Variants in SELENOI observed in about 807,000 individuals in gnomAD.
The protein encoded by SELENOI is selenoprotein I.
Under a neutral mutation model 50.7 loss-of-function variants are expected in SELENOI, and 24 were observed. That is an observed-to-expected ratio of 0.47 (90% CI 0.34 to 0.67). The LOEUF (loss-of-function observed/expected upper bound fraction) is 0.67. Among genes scored for constraint, SELENOI ranks in the 30% least tolerant of loss-of-function variants. SELENOI has a pLI of 0.01. For synonymous variants in SELENOI, 155 were observed against 170.2 expected (o/e 0.91, Z 0.70); for missense variants, 352 against 461.4 (o/e 0.76, Z 2.17).
At chr2:26,373,794 T>C (rs951526161) in intron 5 of SELENOI, among the ~76,000 whole-genome samples, 165 bp downstream of exon 5, 1 of 152,186 alleles carries the variant, frequency 6.6e-6, no homozygotes, top group African/African-American at 2.4e-5. Context: ...AATAGTATAG[T>C]GAATAGTAAA....
chr2:26,357,722 C>T (rs940452622), intron 1 of SELENOI, among the ~76,000 whole-genome samples: 1 of 152,126 alleles, frequency 6.6e-6, no homozygotes, highest in Non-Finnish European at 1.5e-5. Context: ...CGGATAATTC[C>T]CTTTGTAGTA....
At chr2:26,385,806 T>A (rs991444998) in intron 8 of SELENOI, among the ~76,000 whole-genome samples, 1 of 152,220 alleles carries the variant, frequency 6.6e-6, no homozygotes, top group Non-Finnish European at 1.5e-5. Flanking sequence ...CAAGTCTTGC[T>A]GATTTTATAG....
At chr2:26,377,183 G>A (rs1677585776) in intron 6 of SELENOI, among the ~76,000 whole-genome samples, 2 of 152,194 alleles carry the variant, frequency 1.3e-5, no homozygotes, top group African/African-American at 4.8e-5. Flanking sequence ...TGTCCTAAAA[G>A]TAATTTTCTA....
rs769823244 is a variant in SELENOI, at chr2:26,373,613, A to G, written c.557A>G (p.Tyr186Cys). 1.2e-5 allele frequency: 20 copies of G among 1,613,940 alleles called. No homozygotes were observed. The highest frequency in any genetic ancestry group is 1.6e-5 in the Non-Finnish European group (19 of 1,179,876). Residue 186 changes from tyrosine to cysteine, a missense_variant, in exon 5 of 10, where the codon TAT becomes TGT. By Grantham distance (194) the Tyr-to-Cys change is radical. Coordinates refer to ENST00000260585, the MANE Select transcript of SELENOI (RefSeq NM_033505.4). ...GGGATTCTTTTCCTGCCATGGGGATATGACATTAGCCAGGTGGTAAGTATG... is the reference window on the plus strand; with the variant it reads ...GGGATTCTTTTCCTGCCATGGGGATGTGACATTAGCCAGGTGGTAAGTATG... The part of the protein sequence containing the change: ...NTGILFLPWG[Y>C]DISQVTISFV...
intron 1 of SELENOI, chr2:26,346,929 C>G: frequency 6.6e-6 from 1 of 152,224 alleles, no homozygotes; most frequent in African/African-American, 2.4e-5. Flanking sequence ...ATTTTAACCC[C>G]GCTCAGCCTC....
Position 26,367,242 on chromosome 2 carries a change from A to G in SELENOI, c.310+22A>G, listed in dbSNP as rs556492033. ...CTAGGTAAGGAATTGGTAAATACTTACTATAGTCAGTGACTGGTGAATCAG... is the reference window on the plus strand; with the variant it reads ...CTAGGTAAGGAATTGGTAAATACTTGCTATAGTCAGTGACTGGTGAATCAG... On this transcript the variant is annotated intron_variant, in intron 4 of 9. Coordinates refer to ENST00000260585, the MANE Select transcript of SELENOI (RefSeq NM_033505.4). 14 of 1,580,008 alleles carry G rather than the reference A, an allele frequency of 8.9e-6. 1 individual carries two copies. Among genetic ancestry groups the G allele is most frequent in the African/African-American group, 4.0e-5 (3 of 74,524 alleles).
At chr2:26,383,555 CTTTTGTTACGGT>C (rs1476018988) in intron 7 of SELENOI, among the ~76,000 whole-genome samples, 1 of 152,094 alleles carries the variant, frequency 6.6e-6, no homozygotes, top group East Asian at 1.9e-4. Flanking sequence ...ACTACTAGTT[CTTTTGTTACGGT>C]TTTGGACTCA....
rs1027821208 is a variant in SELENOI, at chr2:26,390,298, T to G, written c.*1195T>G. ...TTCATGATGTGGATATTTTCTTCTATTTCTTTGTCTTCATTTAATTTGGTG... is the reference window on the plus strand; with the variant it reads ...TTCATGATGTGGATATTTTCTTCTAGTTCTTTGTCTTCATTTAATTTGGTG... On this transcript the variant is annotated 3_prime_UTR_variant, in exon 10 of 10. Transcript: ENST00000260585. 1 of 152,464 alleles carries G rather than the reference T, an allele frequency of 6.6e-6. No homozygotes were observed. Among genetic ancestry groups the G allele is most frequent in the Non-Finnish European group, 1.5e-5 (1 of 67,998 alleles). The allele number at this position is 152,464 out of a possible 1,614,324, so 9.4% of individuals were successfully genotyped here. A position where few individuals can be genotyped will look rare whatever the true frequency, so the allele number is the denominator to read the frequency against.
chr2:26,346,427 C>CGGGTCCT (rs1676761321), intron 1 of SELENOI, 138 bp downstream of exon 1: 1 of 1,098,012 alleles, frequency 9.1e-7, no homozygotes, highest in East Asian at 2.9e-5. Context: ...GGAGGTCCTG[C>CGGGTCCT]GGGTCCTGGG....
intron 4 of SELENOI, among the ~76,000 whole-genome samples, chr2:26,368,945 C>G (rs942940764): frequency 6.6e-6 from 1 of 152,150 alleles, no homozygotes; most frequent in Non-Finnish European, 1.5e-5. Flanking sequence ...TTCATATAGT[C>G]TTCAACAATA....
chr2:26,358,512 A>C (rs1424789118), intron 1 of SELENOI, among the ~76,000 whole-genome samples: 1 of 152,230 alleles, frequency 6.6e-6, no homozygotes, highest in Non-Finnish European at 1.5e-5. Flanking sequence ...AGCATGAGCC[A>C]CAATGCCCGG....
chr2:26,360,394 C>T (rs1243733504), intron 1 of SELENOI, among the ~76,000 whole-genome samples: 1 of 152,204 alleles, frequency 6.6e-6, no homozygotes, highest in Non-Finnish European at 1.5e-5. Flanking sequence ...GTAAACTGGC[C>T]TCCTTGTGTC....
intron 7 of SELENOI, among the ~76,000 whole-genome samples, chr2:26,384,546 C>G (rs1384758653): frequency 6.6e-6 from 1 of 152,194 alleles, no homozygotes; most frequent in Admixed American, 6.5e-5. Context: ...TCTAAGTTCT[C>G]TATCACTTTG....
chr2:26,361,830 G>T (rs190703492), intron 1 of SELENOI, among the ~76,000 whole-genome samples: 79 of 152,160 alleles, frequency 5.2e-4, no homozygotes, highest in African/African-American at 1.7e-3. Context: ...ATTTGTTTTT[G>T]TATTTTTAGT....
intron 6 of SELENOI, among the ~76,000 whole-genome samples, chr2:26,375,350 G>C (rs1677545185): frequency 6.6e-6 from 1 of 152,116 alleles, no homozygotes. Flanking sequence ...TTCAGCATCA[G>C]CTATTTCTAA....
chr2:26,365,069 C>A, intron 3 of SELENOI, 129 bp downstream of exon 3: 1 of 593,992 alleles, frequency 1.7e-6, no homozygotes, highest in Non-Finnish European at 2.8e-6. Flanking sequence ...CATCACCTTG[C>A]CTATTGAATT....
In SELENOI at chr2:26,385,144, GA is replaced by G. The variant is rs773435770; in HGVS notation, c.912+6del. The G allele has an allele frequency of 2.7e-6, 4 of 1,478,510 alleles. No homozygotes were observed. The South Asian group carries it at 5.8e-5, about 21-fold the overall frequency. 91.6% of individuals were successfully genotyped at this position (1,478,510 alleles called of 1,614,324 possible). On this transcript the variant is annotated splice_donor_region_variant and intron_variant, in intron 8 of 9. Transcript: ENST00000260585. ...ACAGCTTTTGCCAACAGTACAGTAA[GA>G]TTTTTTTCTTTTAAAAATCATAATA...
intron 4 of SELENOI, among the ~76,000 whole-genome samples, chr2:26,370,730 C>T (rs1220166364): frequency 3.0e-3 from 311 of 104,508 alleles, no homozygotes; most frequent in East Asian, 7.6e-3. Flanking sequence ...GGCGGCTGGC[C>T]GGGCGGGGGG....
Position 26,393,476 on chromosome 2 carries a change from T to A in SELENOI, c.*4373T>A, listed in dbSNP as rs1678015088. 1 of 152,482 alleles carries A rather than the reference T, an allele frequency of 6.6e-6. No homozygotes were observed. The highest frequency in any genetic ancestry group is 1.5e-5 in the Non-Finnish European group (1 of 68,048). The allele number at this position is 152,482 out of a possible 1,614,324, so 9.4% of individuals were successfully genotyped here. ...CAAAAGAAGTTTTGCCATTTGTAGC[T>A]CTCTCACAGGTAGCTTAAGCGAGGG... On this transcript the variant is annotated 3_prime_UTR_variant, in exon 10 of 10. Transcript: ENST00000260585.
Sources: gnomAD v4.1 joint callset for allele counts (sites outside exome capture counted in the v4.1 genomes callset) on GRCh38, gnomAD v4.1.1 for gene constraint, MANE v1.5 for transcripts, NCBI Gene and HGNC (gene_info 2026-07-23, HGNC 2026-07-21) for gene names.